PTK2: variants seen among roughly 807,000 people sequenced by gnomAD.
PTK2 encodes protein tyrosine kinase 2.
In PTK2, 45 loss-of-function variants were observed where a neutral mutation model predicts 150.1. That is an observed-to-expected ratio of 0.30 (90% CI 0.24 to 0.38). PTK2 has a LOEUF of 0.38. Among genes scored for constraint, PTK2 ranks in the 10% least tolerant of loss-of-function variants. The pLI, the probability that PTK2 is intolerant of heterozygous loss-of-function variation, is 1.00. For missense variants in PTK2, 919 were observed against 1,307.3 expected (o/e 0.70, Z 4.58); for synonymous variants, 432 against 449.2 (o/e 0.96, Z 0.48).
At chr8:140,713,562 G>A (rs921248346) in intron 23 of PTK2, among the ~76,000 whole-genome samples, 6 of 152,070 alleles carry the variant, frequency 3.9e-5, no homozygotes, top group African/African-American at 9.7e-5. Flanking sequence ...CTGATGTCAC[G>A]GACCTTTGGA....
At chr8:140,686,588 A>C in intron 27 of PTK2, 44 bp downstream of exon 30, 1 of 1,500,722 alleles carries the variant, frequency 6.7e-7, no homozygotes, top group East Asian at 2.3e-5. Flanking sequence ...TGGTCCACGC[A>C]CAGGAGAACT....
chr8:140,877,455 C>T (rs76710323), intron 4 of PTK2, among the ~76,000 whole-genome samples: 2,971 of 152,192 alleles, frequency 0.02, 102 homozygotes, highest in African/African-American at 0.067. Context: ...CAGCTAAGTT[C>T]GAATCAAAGC....
intron 14 of PTK2, among the ~76,000 whole-genome samples, chr8:140,787,573 G>T (rs1198026083): frequency 6.6e-6 from 1 of 152,196 alleles, no homozygotes; most frequent in African/African-American, 2.4e-5. Context: ...CACATCTGAG[G>T]TTTAAACCTT....
chr8:140,923,937 C>T (rs1452895822), intron 2 of PTK2, among the ~76,000 whole-genome samples: 2 of 152,180 alleles, frequency 1.3e-5, no homozygotes, highest in East Asian at 3.8e-4. Context: ...TATTCACAAC[C>T]CTTCTGAGTT....
intron 7 of PTK2, among the ~76,000 whole-genome samples, chr8:140,837,664 G>A (rs146006709): frequency 1.1e-4 from 17 of 152,254 alleles, no homozygotes; most frequent in Admixed American, 4.6e-4. Context: ...GGGAGGTGGA[G>A]GTTACACTGG....
intron 12 of PTK2, among the ~76,000 whole-genome samples, chr8:140,800,160 T>G (rs552759491): frequency 6.6e-6 from 1 of 152,340 alleles, no homozygotes; most frequent in South Asian, 2.1e-4. Flanking sequence ...CCCAAAATTT[T>G]AAAAATACTA....
At chr8:140,811,525 A>T (rs760520690) in intron 10 of PTK2, among the ~76,000 whole-genome samples, 2 of 152,186 alleles carry the variant, frequency 1.3e-5, no homozygotes, top group Non-Finnish European at 2.9e-5. Context: ...CCTCTAAATG[A>T]CCGCACCACC....
At chr8:140,957,813 T>C (rs933995926) in intron 1 of PTK2, among the ~76,000 whole-genome samples, 3 of 152,232 alleles carry the variant, frequency 2.0e-5, no homozygotes, top group Admixed American at 6.5e-5. Flanking sequence ...TAGGCTATAC[T>C]ATATAGCCCA....
intron 24 of PTK2, among the ~76,000 whole-genome samples, chr8:140,703,679 G>C (rs1196679390): frequency 6.6e-6 from 1 of 152,208 alleles, no homozygotes; most frequent in African/African-American, 2.4e-5. Context: ...GGTAGGGTAA[G>C]TCGTACCTTT....
chr8:140,818,322 G>C, exon 10 of PTK2: 4 of 1,613,980 alleles, frequency 2.5e-6, no homozygotes, highest in Non-Finnish European at 3.4e-6. Context: ...CTTCTGGGCC[G>C]ATTGCCAGTT....
chr8:140,821,668 G>A (rs1416568008), intron 8 of PTK2: 11 of 152,272 alleles, frequency 7.2e-5, no homozygotes, highest in Non-Finnish European at 1.5e-5. Flanking sequence ...GGACTAGATG[G>A]CACCTGCAAA....
At chr8:140,683,572 C>G (rs919286036) in intron 27 of PTK2, among the ~76,000 whole-genome samples, 1 of 152,056 alleles carries the variant, frequency 6.6e-6, no homozygotes, top group Non-Finnish European at 1.5e-5. Flanking sequence ...GGCCAATATC[C>G]CTGATGAACA....
chr8:140,753,501 C>T (rs62524102), intron 16 of PTK2, among the ~76,000 whole-genome samples: 39,346 of 151,960 alleles, frequency 0.26, 5,731 homozygotes, highest in Admixed American at 0.38. Context: ...TGTGACTGGA[C>T]GAAATCACCA....
In PTK2 at chr8:140,886,083, G is replaced by A. The variant is rs896198706; in HGVS notation, c.195+4460C>T. Among the ~76,000 whole-genome samples, 3 of 152,262 alleles carry A rather than the reference G, an allele frequency of 2.0e-5. No homozygotes were observed. The East Asian group carries it at 5.8e-4, about 29-fold the overall frequency. On this transcript the variant is annotated intron_variant, in intron 3 of 31. Transcript: ENST00000522684. ...CAGTGGAGGCAATATGAAATGGGTA[G>A]GTTCTGGATATATTTTTGAAGATAA...
intron 1 of PTK2, among the ~76,000 whole-genome samples, chr8:140,969,949 C>T (rs2100186655): frequency 6.6e-6 from 1 of 152,340 alleles, no homozygotes; most frequent in Middle Eastern, 3.4e-3. Context: ...TCGTGCAAGA[C>T]TGGTAAGATA....
chr8:140,850,360 A>G (rs2100128429), intron 5 of PTK2, among the ~76,000 whole-genome samples: 1 of 151,878 alleles, frequency 6.6e-6, no homozygotes, highest in African/African-American at 2.4e-5. Flanking sequence ...CAGGAGGCGG[A>G]GGTTGCAGAG....
intron 7 of PTK2, among the ~76,000 whole-genome samples, chr8:140,834,396 A>G (rs2100117422): frequency 6.6e-6 from 1 of 152,186 alleles, no homozygotes; most frequent in Non-Finnish European, 1.5e-5. Context: ...CTCACAGGAG[A>G]CAGCTGTATG....
intron 20 of PTK2, among the ~76,000 whole-genome samples, chr8:140,741,274 T>G (rs1002473336): frequency 1.3e-5 from 2 of 151,606 alleles, no homozygotes; most frequent in South Asian, 4.2e-4. Flanking sequence ...ACACACACAG[T>G]GAAACTCCAT....
chr8:140,916,855 T>C (rs779047123), intron 2 of PTK2, among the ~76,000 whole-genome samples: 1 of 152,326 alleles, frequency 6.6e-6, no homozygotes, highest in African/African-American at 2.4e-5. Context: ...TGAGCAACAA[T>C]TGCCAAGTTA....
Sources: allele counts gnomAD v4.1 joint callset (sites outside exome capture counted in the v4.1 genomes callset), GRCh38; gene constraint gnomAD v4.1.1; transcripts MANE v1.5; gene names NCBI Gene and HGNC (gene_info 2026-07-23, HGNC 2026-07-21).